The following CNTN5 variants were observed in gnomAD, a reference collection of about 807,000 sequenced individuals.
The protein encoded by CNTN5 is contactin-5.
A neutral mutation model predicts 129.1 loss-of-function variants in CNTN5; 77 were observed. The ratio of observed to expected loss-of-function variants is 0.60; its 90% CI spans 0.50 to 0.72. CNTN5 has a LOEUF of 0.72. CNTN5 is among the 30% of genes least tolerant of loss of function. The pLI, the probability that CNTN5 is intolerant of heterozygous loss-of-function variation, is 0.00. For missense variants in CNTN5, 1,478 were observed against 1,328.8 expected, an observed-to-expected ratio of 1.11 and a Z score of -1.75; for synonymous variants, 509 against 465.6, an observed-to-expected ratio of 1.09 and a Z score of -1.20.
At chr11:99,601,157 C>A (rs927250404) in intron 3 of CNTN5, among the ~76,000 whole-genome samples, 1 of 152,176 alleles carries the variant, frequency 6.6e-6, no homozygotes, top group Non-Finnish European at 1.5e-5. Context: ...CATCTGCCAT[C>A]TCTCTATAAA....
At chr11:100,247,918 C>T (rs1343117697) in intron 16 of CNTN5, among the ~76,000 whole-genome samples, 1 of 151,964 alleles carries the variant, frequency 6.6e-6, no homozygotes, top group African/African-American at 2.4e-5. Flanking sequence ...AATTAGTCAC[C>T]ATGGCCTGAG....
intron 1 of CNTN5, among the ~76,000 whole-genome samples, chr11:99,295,882 C>CAAA (rs34180493): frequency 1.7e-3 from 88 of 50,486 alleles, no homozygotes; most frequent in African/African-American, 2.1e-3. Flanking sequence ...GACTCCGTCT[C>CAAA]AAAAAAAAAA....
At chr11:99,691,011 A>G (rs998756106) in intron 3 of CNTN5, among the ~76,000 whole-genome samples, 3 of 151,616 alleles carry the variant, frequency 2.0e-5, no homozygotes, top group African/African-American at 7.3e-5. Context: ...CTAGTAATTT[A>G]TTCTTTTCTT....
chr11:99,403,139 TG>T (rs35366806), intron 2 of CNTN5, among the ~76,000 whole-genome samples: 113,031 of 151,550 alleles, frequency 0.75, 43,004 homozygotes, highest in African/African-American at 0.9. Context: ...CCCAAGTAGC[TG>T]GGACTACAGG....
At chr11:99,978,694 T>C (rs1416018710) in intron 8 of CNTN5, among the ~76,000 whole-genome samples, 1 of 152,192 alleles carries the variant, frequency 6.6e-6, no homozygotes. Context: ...TCTAGGTTTT[T>C]GTAAGTGCCC....
intron 13 of CNTN5, among the ~76,000 whole-genome samples, chr11:100,141,139 G>C (rs137863292): frequency 6.6e-6 from 1 of 152,110 alleles, no homozygotes; most frequent in Non-Finnish European, 1.5e-5. Context: ...TGGTTGGGGG[G>C]AGGCATGTTA....
At chr11:99,666,353 G>T (rs1952792473) in intron 3 of CNTN5, among the ~76,000 whole-genome samples, 1 of 152,150 alleles carries the variant, frequency 6.6e-6, no homozygotes, top group African/African-American at 2.4e-5. Flanking sequence ...GAACCAATGG[G>T]TTTGGTCTCT....
At chr11:99,914,556 T>C (rs1236969691) in intron 6 of CNTN5, among the ~76,000 whole-genome samples, 1 of 152,054 alleles carries the variant, frequency 6.6e-6, no homozygotes, top group African/African-American at 2.4e-5. Context: ...TGAAAATGAC[T>C]GCCTTGATTT....
intron 3 of CNTN5, among the ~76,000 whole-genome samples, chr11:99,610,449 G>C (rs753573300): frequency 4.6e-5 from 7 of 152,152 alleles, no homozygotes; most frequent in Non-Finnish European, 7.4e-5. Flanking sequence ...TATGGAGGAA[G>C]GTGGATAGGG....
intron 21 of CNTN5, chr11:100,308,834 C>A: frequency 1.0e-6 from 1 of 987,092 alleles, no homozygotes; most frequent in Non-Finnish European, 1.2e-6. Flanking sequence ...TCCTTTTGTA[C>A]TTTATTGGTA....
At chr11:99,320,239 C>T (rs1283822367) in intron 1 of CNTN5, among the ~76,000 whole-genome samples, 1 of 152,042 alleles carries the variant, frequency 6.6e-6, no homozygotes, top group Non-Finnish European at 1.5e-5. Context: ...AAGACTCCTT[C>T]TCAAATAAAC....
rs116350736 is a variant in CNTN5 at position 99,622,506 on chromosome 11, A to G, written c.55+66237A>G. On this transcript the variant is annotated intron_variant, in intron 3 of 24. Transcript: ENST00000524871. ...AAATTCTGATTATCTGGGGAAGATT[A>G]TAGAGACTGCATTTTAAAGTGGTGT... Among the ~76,000 whole-genome samples, 529 of 152,288 alleles carry G rather than the reference A, an allele frequency of 3.5e-3. 6 individuals carry two copies. Among genetic ancestry groups the G allele is most frequent in the African/African-American group, 0.012 (507 of 41,568 alleles).
chr11:99,600,084 G>A (rs1371722861), intron 3 of CNTN5, among the ~76,000 whole-genome samples: 2 of 152,040 alleles, frequency 1.3e-5, no homozygotes, highest in East Asian at 1.9e-4. Context: ...GTCGTTGATA[G>A]CAGAGTAAAA....
At chr11:99,036,734 G>A (rs1243422433) in intron 1 of CNTN5, among the ~76,000 whole-genome samples, 1 of 152,110 alleles carries the variant, frequency 6.6e-6, no homozygotes, top group Admixed American at 6.6e-5. Context: ...AACACACTGT[G>A]CTACCAAACT....
chr11:99,837,989 A>G (rs1039750009), intron 4 of CNTN5, among the ~76,000 whole-genome samples: 1 of 152,152 alleles, frequency 6.6e-6, no homozygotes, highest in African/African-American at 2.4e-5. Flanking sequence ...TATGAAGTTT[A>G]TAAAATACAG....
chr11:99,167,841 G>A (rs929322149), intron 1 of CNTN5, among the ~76,000 whole-genome samples: 15 of 151,882 alleles, frequency 9.9e-5, no homozygotes, highest in Admixed American at 6.6e-5. Context: ...AATGAGATGA[G>A]GCTTGAATAT....
At chr11:99,716,177 C>A (rs1955213092) in intron 3 of CNTN5, among the ~76,000 whole-genome samples, 1 of 151,960 alleles carries the variant, frequency 6.6e-6, no homozygotes. Context: ...CTTAGGTCAG[C>A]AATAATATCG....
intron 3 of CNTN5, among the ~76,000 whole-genome samples, chr11:99,735,874 T>C (rs935463289): frequency 2.5e-4 from 38 of 152,324 alleles, no homozygotes; most frequent in African/African-American, 8.9e-4. Flanking sequence ...TGCTGTACTT[T>C]AGATTTCCAG....
intron 7 of CNTN5, among the ~76,000 whole-genome samples, chr11:99,923,800 T>TATCTATCC (rs1565681954): frequency 6.6e-6 from 1 of 151,672 alleles, no homozygotes; most frequent in African/African-American, 2.4e-5. Flanking sequence ...TCTATCTATC[T>TATCTATCC]ATCTATCTGA....
Sources: allele counts gnomAD v4.1 joint callset (sites outside exome capture counted in the v4.1 genomes callset), GRCh38; gene constraint gnomAD v4.1.1; transcripts MANE v1.5; gene names NCBI Gene and HGNC (gene_info 2026-07-23, HGNC 2026-07-21).